Variants in GATD1 observed in about 807,000 individuals in gnomAD.
GATD1 encodes glutamine amidotransferase-like class 1 domain-containing protein 1.
In GATD1, 23 loss-of-function variants were observed where a neutral mutation model predicts 25.9. The ratio of observed to expected loss-of-function variants is 0.89; its 90% CI spans 0.64 to 1.26. GATD1 has a LOEUF of 1.26. GATD1 is among the 50% of genes most tolerant of loss of function. GATD1 has a pLI of 0.00. For synonymous variants in GATD1, 177 were observed against 134.6 expected (o/e 1.31, Z -2.18); for missense variants, 347 against 312.5 (o/e 1.11, Z -0.83).
chr11:770,254 T>A lies in GATD1; in HGVS notation c.*643A>T. The A allele has an allele frequency of 7.0e-7, 1 of 1,430,960 alleles. No homozygotes were observed. Among genetic ancestry groups the A allele is most frequent in the Non-Finnish European group, 9.2e-7 (1 of 1,088,806 alleles). 88.6% of individuals were successfully genotyped at this position (1,430,960 alleles called of 1,614,324 possible). ...TATCATTGAGAATCTCATGGTCTCA[T>A]ATTCACAAGTAAACGTGCCTCTCAA... On this transcript the variant is annotated 3_prime_UTR_variant, in exon 8 of 8. Transcript: ENST00000319863.
In GATD1 at chr11:774,016, G is replaced by A; in HGVS notation, c.239C>T (p.Ser80Phe). ...GTGGGTCCCGGGCCTACCATCGATG[G>A]ACTCGAGCTTGGCGGGGCTGGCGTA... The part of the protein sequence containing the change: ...KAYASPAKLE[S>F]IDGARYHALL... The change falls in exon 3 of 8, where the codon TCC (serine) becomes TTC (phenylalanine). Residue 80 changes from serine to phenylalanine, a missense_variant. Coordinates refer to ENST00000319863, the MANE Select transcript of GATD1 (RefSeq NM_182612.4). 1 of 1,613,562 alleles carries A rather than the reference G, an allele frequency of 6.2e-7. No individual in the cohort carries two copies. Among genetic ancestry groups the A allele is most frequent in the Non-Finnish European group, 8.5e-7 (1 of 1,179,956 alleles).
At position 769,232 on chromosome 11, in the gene GATD1, T is replaced by C; in HGVS notation, c.*1665A>G. The C allele has an allele frequency of 1.0e-6, 1 of 985,506 alleles. No individual in the cohort carries two copies. Among genetic ancestry groups the C allele is most frequent in the Non-Finnish European group, 1.2e-6 (1 of 829,952 alleles). 61.0% of individuals were successfully genotyped at this position (985,506 alleles called of 1,614,324 possible). A position where few individuals can be genotyped will look rare whatever the true frequency, so the allele number is the denominator to read the frequency against. Reference sequence around the variant, plus strand: ...GCATCCTGACTAATCTGCGAGGCACTGGAGGGACGCAGCCTTCAGGGCGGG... The same window carrying C: ...GCATCCTGACTAATCTGCGAGGCACCGGAGGGACGCAGCCTTCAGGGCGGG... On this transcript the variant is annotated 3_prime_UTR_variant, in exon 8 of 8. Transcript: ENST00000319863.
intron 5 of GATD1, among the ~76,000 whole-genome samples, chr11:772,027 G>C (rs1258193175): frequency 6.6e-6 from 1 of 152,154 alleles, no homozygotes. Flanking sequence ...ACAGCCTTTG[G>C]GCCTCAGATT....
At position 775,487 on chromosome 11, in the gene GATD1, A is replaced by G. The variant is rs369867644; in HGVS notation, c.65-345T>C. On this transcript the variant is annotated intron_variant, in intron 1 of 7. Transcript: ENST00000319863. ...CTGGGAGAGGATGCAGCCCACCTCAACTGTCCATGCCACTCCCACACCCCA... is the reference window on the plus strand; with the variant it reads ...CTGGGAGAGGATGCAGCCCACCTCAGCTGTCCATGCCACTCCCACACCCCA... 3.3e-5 allele frequency among the ~76,000 whole-genome samples: 5 copies of G among 152,270 alleles called. No individual in the cohort carries two copies. The South Asian group carries it at 6.2e-4, about 19-fold the overall frequency.
At chr11:771,605 A>G in intron 5 of GATD1, 179 bp from the exon 6 acceptor site, 2 of 1,378,188 alleles carry the variant, frequency 1.5e-6, no homozygotes, top group Non-Finnish European at 1.9e-6. Context: ...AAGTCTAGCC[A>G]TCTTCCCATG....
At position 771,602 on chromosome 11, in the gene GATD1, GC is replaced by G; in HGVS notation, c.451-177del. ...GAGGGCGGAGAGATGACAAAGTCTA[GC>G]CATCTTCCCATGGGGTGTCCCTGAG... On this transcript the variant is annotated intron_variant, in intron 5 of 7. Coordinates refer to ENST00000319863, the MANE Select transcript of GATD1 (RefSeq NM_182612.4). The G allele has an allele frequency of 7.9e-6, 11 of 1,384,138 alleles. 1 individual carries two copies. In the South Asian group the frequency reaches 1.9e-4, roughly 24 times the overall value. 85.7% of individuals were successfully genotyped at this position (1,384,138 alleles called of 1,614,324 possible).
In GATD1 at chr11:769,196, G is replaced by C; in HGVS notation, c.*1701C>G. On this transcript the variant is annotated 3_prime_UTR_variant, in exon 8 of 8. Transcript: ENST00000319863. ...GGGACAGAGCAAGGCCCCGTGGCCA[G>C]TGCTAAGTGGGCATCCTGACTAATC... 1 of 985,522 alleles carries C rather than the reference G, an allele frequency of 1.0e-6. No homozygotes were observed. Among genetic ancestry groups the C allele is most frequent in the Non-Finnish European group, 1.2e-6 (1 of 829,960 alleles). 61.0% of individuals were successfully genotyped at this position (985,522 alleles called of 1,614,324 possible).
intron 6 of GATD1, 79 bp downstream of exon 6, chr11:771,254 G>C: frequency 6.4e-7 from 1 of 1,559,970 alleles, no homozygotes; most frequent in East Asian, 2.4e-5. Flanking sequence ...CAGGGCCCAG[G>C]AGGCTTCTCC....
At chr11:774,293 C>T (rs1045487309) in intron 2 of GATD1, among the ~76,000 whole-genome samples, 180 bp from the exon 3 acceptor site, 10 of 152,248 alleles carry the variant, frequency 6.6e-5, no homozygotes, top group Non-Finnish European at 1.3e-4. Context: ...CAGCAGCAGC[C>T]TCAGTGGTTT....
chr11:773,128 C>T (rs187816731), intron 4 of GATD1, among the ~76,000 whole-genome samples: 62 of 152,332 alleles, frequency 4.1e-4, no homozygotes, highest in African/African-American at 1.4e-3. Flanking sequence ...ACACTCATCA[C>T]AGCCCAACCC....
At chr11:776,232 C>T (rs1030450863) in intron 1 of GATD1, among the ~76,000 whole-genome samples, 1 of 152,148 alleles carries the variant, frequency 6.6e-6, no homozygotes, top group African/African-American at 2.4e-5. Flanking sequence ...CCGCCCGCCT[C>T]AGCCTCCCAA....
intron 3 of GATD1, 45 bp downstream of exon 3, chr11:773,963 A>G (rs750434121): frequency 1.3e-6 from 2 of 1,569,410 alleles, no homozygotes; most frequent in Admixed American, 1.7e-5. Context: ...TTGACCCTCC[A>G]AGGTCCCAGG....
chr11:771,553 T>C, intron 5 of GATD1, 127 bp from the exon 6 acceptor site: 1 of 1,417,158 alleles, frequency 7.1e-7, no homozygotes, highest in Non-Finnish European at 9.2e-7. Flanking sequence ...TCACTGCTCA[T>C]AACAGGGACA....
Position 769,441 on chromosome 11 carries a change from C to T in GATD1, c.*1456G>A. ...GTTCAAGCAATTCTCACGTCTCAGC[C>T]TCCCAAGTAGCTGGGAATACAGGCG... On this transcript the variant is annotated 3_prime_UTR_variant, in exon 8 of 8. Coordinates refer to ENST00000319863, the MANE Select transcript of GATD1 (RefSeq NM_182612.4). The T allele has an allele frequency of 3.7e-6, 1 of 270,042 alleles. No individual in the cohort carries two copies. The highest frequency in any genetic ancestry group is 5.7e-6 in the Non-Finnish European group (1 of 176,116). 16.7% of individuals were successfully genotyped at this position (270,042 alleles called of 1,614,324 possible). A position where few individuals can be genotyped will look rare whatever the true frequency, so the allele number is the denominator to read the frequency against.
intron 5 of GATD1, among the ~76,000 whole-genome samples, chr11:771,680 C>T (rs1863461678): frequency 6.6e-6 from 1 of 152,188 alleles, no homozygotes; most frequent in African/African-American, 2.4e-5. Flanking sequence ...CACCGGAGCA[C>T]ACAGGTGACT....
Position 767,693 on chromosome 11 carries a change from T to A in GATD1, c.*3204A>T. ...AGGGGATGGTATTAGGTGGGGCATT[T>A]GGGAGGTCATCCGGTCACAGGGCAG... On this transcript the variant is annotated 3_prime_UTR_variant, in exon 8 of 8. Transcript: ENST00000319863. 9.3e-7 allele frequency: 1 copy of A among 1,078,590 alleles called. No individual in the cohort carries two copies. Among genetic ancestry groups the A allele is most frequent in the Non-Finnish European group, 1.1e-6 (1 of 869,692 alleles). 66.8% of individuals were successfully genotyped at this position (1,078,590 alleles called of 1,614,324 possible).
Position 769,444 on chromosome 11 carries a change from C to T in GATD1, c.*1453G>A, listed in dbSNP as rs1033992003. On this transcript the variant is annotated 3_prime_UTR_variant, in exon 8 of 8. Coordinates refer to ENST00000319863, the MANE Select transcript of GATD1 (RefSeq NM_182612.4). ...CAAGCAATTCTCACGTCTCAGCCTCCCAAGTAGCTGGGAATACAGGCGCCT... is the reference window on the plus strand; with the variant it reads ...CAAGCAATTCTCACGTCTCAGCCTCTCAAGTAGCTGGGAATACAGGCGCCT... The T allele has an allele frequency of 8.5e-5, 22 of 260,354 alleles. No homozygotes were observed. The highest frequency in any genetic ancestry group is 1.1e-4 in the Non-Finnish European group (19 of 167,422). 16.1% of individuals were successfully genotyped at this position (260,354 alleles called of 1,614,324 possible).
intron 7 of GATD1, 21 bp from the exon 8 acceptor site, chr11:770,924 C>T: frequency 6.2e-7 from 1 of 1,612,258 alleles, no homozygotes. Flanking sequence ...GACGTGTGGT[C>T]AAAGCTTGGG....
Position 772,431 on chromosome 11 carries a change from G to C in GATD1, c.446C>G (p.Thr149Arg), listed in dbSNP as rs898700136. ...RSWVFDSYSL[T>R]GPSVCELVRA... ...CCTCGGCCTCCAGACACTCACCCCT[G>C]TCAGGCTGTAGCTGTCGAACACCCA... The change falls in exon 5 of 8, where the codon ACA becomes AGA. Residue 149 changes from threonine to arginine, a missense_variant. Coordinates refer to ENST00000319863, the MANE Select transcript of GATD1 (RefSeq NM_182612.4). 3.1e-6 allele frequency: 5 copies of C among 1,613,182 alleles called. No homozygotes were observed. The highest frequency in any genetic ancestry group is 1.1e-5 in the South Asian group (1 of 91,094).
Sources: gnomAD v4.1 joint callset for allele counts (sites outside exome capture counted in the v4.1 genomes callset) on GRCh38, gnomAD v4.1.1 for gene constraint, MANE v1.5 for transcripts, NCBI Gene and HGNC (gene_info 2026-07-23, HGNC 2026-07-21) for gene names.